IARS2: variants seen among roughly 807,000 people sequenced by gnomAD.
The protein encoded by IARS2 is isoleucine--tRNA ligase, mitochondrial.
Under a neutral mutation model 126.3 loss-of-function variants are expected in IARS2, and 56 were observed. The observed-to-expected ratio is 0.44, with a 90% CI of 0.36 to 0.55. IARS2 has a LOEUF of 0.55. IARS2 is among the 20% of genes least tolerant of loss of function. The probability of loss-of-function intolerance (pLI) is 0.00; values close to 1 mark genes in which losing one functional copy is unlikely to be tolerated. For missense variants in IARS2, 1,127 were observed against 1,245.9 expected (o/e 0.90, Z 1.44); for synonymous variants, 407 against 441.1 (o/e 0.92, Z 0.97).
chr1:220,108,499 C>T (rs976826546), intron 10 of IARS2, among the ~76,000 whole-genome samples: 1 of 151,866 alleles, frequency 6.6e-6, no homozygotes, highest in African/African-American at 2.4e-5. Context: ...GGTTCTCCTG[C>T]CTCAGTCTCT....
chr1:220,125,543 C>T (rs1657133806), intron 13 of IARS2, among the ~76,000 whole-genome samples: 1 of 152,184 alleles, frequency 6.6e-6, no homozygotes, highest in African/African-American at 2.4e-5. Flanking sequence ...ATGGCTCACA[C>T]CTGTAATCCT....
intron 9 of IARS2, 33 bp downstream of exon 9, chr1:220,106,093 CAT>C: frequency 2.0e-6 from 3 of 1,512,184 alleles, no homozygotes; most frequent in Non-Finnish European, 2.7e-6. Flanking sequence ...TTTAATTATT[CAT>C]CTTAATAAAA....
At chr1:220,097,407 G>C (rs1303821357) in intron 2 of IARS2, among the ~76,000 whole-genome samples, 1 of 141,636 alleles carries the variant, frequency 7.1e-6, no homozygotes, top group Non-Finnish European at 1.5e-5. Flanking sequence ...ACTGTCGCCC[G>C]GACTGGAGTG....
intron 12 of IARS2, chr1:220,117,893 TGACA>T (rs757646667): frequency 1.9e-6 from 1 of 526,736 alleles, no homozygotes; most frequent in East Asian, 5.4e-5. Context: ...CCTAAAGAAA[TGACA>T]GACAAACTCA....
In IARS2 at chr1:220,141,797, G is replaced by T; in HGVS notation, c.2415-6G>T. Reference sequence around the variant, plus strand: ...GTCAACTGCTGAATAAGTTGTTCTTGTTCAGGCTCTATTGTGAAAAGGAAA... The same window carrying T: ...GTCAACTGCTGAATAAGTTGTTCTTTTTCAGGCTCTATTGTGAAAAGGAAA... On this transcript the variant is annotated splice_polypyrimidine_tract_variant and splice_region_variant and intron_variant, in intron 19 of 22. Transcript: ENST00000366922. 1 of 1,613,336 alleles carries T rather than the reference G, an allele frequency of 6.2e-7. No homozygotes were observed. The highest frequency in any genetic ancestry group is 1.1e-5 in the South Asian group (1 of 90,982).
chr1:220,115,667 G>T (rs557162653), intron 12 of IARS2, among the ~76,000 whole-genome samples: 2 of 149,972 alleles, frequency 1.3e-5, no homozygotes, highest in African/African-American at 4.9e-5. Flanking sequence ...CTTTTATCCC[G>T]AACAGCTCCC....
At position 220,110,394 on chromosome 1, in the gene IARS2, C is replaced by G. The variant is rs375011638; in HGVS notation, c.1328-392C>G. ...ACTCTTTTATTTTTTGAGACGGAGT[C>G]TCGCTCTGTCACCCAGGCTGGAGTG... On this transcript the variant is annotated intron_variant, in intron 10 of 22. Coordinates refer to ENST00000366922, the MANE Select transcript of IARS2 (RefSeq NM_018060.4). Among the ~76,000 whole-genome samples, 26 of 152,220 alleles carry G rather than the reference C, an allele frequency of 1.7e-4. No homozygotes were observed. The South Asian group carries it at 5.4e-3, about 32-fold the overall frequency.
rs142865520 is a variant in IARS2 at position 220,134,448 on chromosome 1, C to T, written c.1884C>T (p.Leu628=). ...ADLYLEGKDQ[L]GGWFQSSLLT... ...TGTACTTGGAAGGAAAAGACCAGCT[C>T]GGGGGTTGGTTTCAGTCATCCTTAT... Residue 628 remains leucine (L), a synonymous_variant, in exon 15 of 23, where the codon CTC becomes CTT. Coordinates refer to ENST00000366922, the MANE Select transcript of IARS2 (RefSeq NM_018060.4). 7.6e-5 allele frequency: 122 copies of T among 1,613,240 alleles called. No individual in the cohort carries two copies. The highest frequency in any genetic ancestry group is 1.7e-4 in the Middle Eastern group (1 of 6,056).
At chr1:220,133,165 C>T (rs754599486) in intron 14 of IARS2, among the ~76,000 whole-genome samples, 39 of 151,976 alleles carry the variant, frequency 2.6e-4, no homozygotes, top group Non-Finnish European at 5.3e-4. Flanking sequence ...CGCCCACCAC[C>T]GTGCCCAGAT....
intron 16 of IARS2, among the ~76,000 whole-genome samples, chr1:220,137,342 C>G (rs891165150): frequency 4.6e-5 from 7 of 152,124 alleles, no homozygotes; most frequent in African/African-American, 1.7e-4. Flanking sequence ...CTTCAAAATG[C>G]GCATTTCATT....
rs772380250 is a variant in IARS2 at position 220,140,206 on chromosome 1, T to C, written c.2331T>C (p.Tyr777=). 1.9e-6 allele frequency: 3 copies of C among 1,611,840 alleles called. No homozygotes were observed. The highest frequency in any genetic ancestry group is 2.2e-5 in the South Asian group (2 of 91,028). The change falls in exon 19 of 23, where the codon TAT becomes TAC. Residue 777 remains tyrosine, a synonymous_variant. Transcript: ENST00000366922. ...AGATTACCGAATTATACAAACAATA[T>C]GATTTTGGAAAAGTTGTTCGGCTGT... ...ANKITELYKQ[Y]DFGKVVRLLR... is the part of the protein sequence containing the mutation.
chr1:220,110,703 G>A (rs1656781963), intron 10 of IARS2, 83 bp from the exon 11 acceptor site: 1 of 1,073,234 alleles, frequency 9.3e-7, no homozygotes. Context: ...TGCAGATTTA[G>A]TATTTTCTGG....
chr1:220,134,559 A>C (rs1657331666), intron 15 of IARS2, 49 bp downstream of exon 15: 1 of 1,185,134 alleles, frequency 8.4e-7, no homozygotes, highest in Non-Finnish European at 1.2e-6. Flanking sequence ...CCAGTGTGTG[A>C]AGCACTATGC....
intron 22 of IARS2, among the ~76,000 whole-genome samples, chr1:220,146,920 C>T (rs1429494355): frequency 6.6e-6 from 1 of 152,144 alleles, no homozygotes. Flanking sequence ...GATCCACCCG[C>T]CTCGGCATCC....
intron 22 of IARS2, among the ~76,000 whole-genome samples, chr1:220,146,341 C>A (rs1370219290): frequency 6.6e-6 from 1 of 151,680 alleles, no homozygotes; most frequent in Non-Finnish European, 1.5e-5. Flanking sequence ...ACAGTGAAAC[C>A]CCGAATCTAC....
At chr1:220,133,160 AC>A (rs1657305104) in intron 14 of IARS2, among the ~76,000 whole-genome samples, 2 of 151,780 alleles carry the variant, frequency 1.3e-5, no homozygotes, top group East Asian at 1.9e-4. Context: ...ACAGGCGCCC[AC>A]CACCGTGCCC....
At chr1:220,101,658 G>A (rs1449900670) in intron 3 of IARS2, among the ~76,000 whole-genome samples, 1 of 150,146 alleles carries the variant, frequency 6.7e-6, no homozygotes, top group Non-Finnish European at 1.5e-5. Context: ...GCTGAGATCC[G>A]CCACTGCATG....
At chr1:220,119,895 A>G (rs1336651048) in intron 12 of IARS2, among the ~76,000 whole-genome samples, 2 of 152,170 alleles carry the variant, frequency 1.3e-5, no homozygotes, top group Non-Finnish European at 2.9e-5. Context: ...TCACATCTCT[A>G]TAATGAGTGT....
chr1:220,102,047 A>G, intron 3 of IARS2, 82 bp from the exon 4 acceptor site: 5 of 1,323,316 alleles, frequency 3.8e-6, no homozygotes, highest in African/African-American at 1.5e-5. Context: ...TAGCATTTGC[A>G]TTTAGAGAGA....
Sources: allele counts gnomAD v4.1 joint callset (sites outside exome capture counted in the v4.1 genomes callset), GRCh38; gene constraint gnomAD v4.1.1; transcripts MANE v1.5; gene names NCBI Gene and HGNC (gene_info 2026-07-23, HGNC 2026-07-21).